Variants in PUDP observed in about 807,000 individuals in gnomAD.
PUDP encodes the protein pseudouridine-5'-phosphatase.
In PUDP, 8 loss-of-function variants were observed where a neutral mutation model predicts 9.4. The observed-to-expected ratio is 0.85, with a 90% CI of 0.50 to 1.53. The LOEUF (loss-of-function observed/expected upper bound fraction) is 1.53. PUDP is among the 40% of genes most tolerant of loss of function. The pLI is 0.00. For synonymous variants in PUDP, 99 were observed against 80.7 expected, an observed-to-expected ratio of 1.23 and a Z score of -1.22; for missense variants, 188 against 189.7, an observed-to-expected ratio of 0.99 and a Z score of 0.05.
intron 3 of PUDP, among the ~76,000 whole-genome samples, chrX:6,802,480 AT>A (rs1925949930): frequency 8.9e-6 from 1 of 111,960 alleles, no homozygotes; most frequent in Non-Finnish European, 1.9e-5. Flanking sequence ...AGTACACGTA[AT>A]TTGGCTCTAG....
intron 1 of PUDP, among the ~76,000 whole-genome samples, chrX:7,108,413 GTTA>G (rs1931947863): frequency 2.7e-5 from 3 of 111,853 alleles, no homozygotes; most frequent in Admixed American, 1.9e-4. Context: ...GGAGAGGCTG[GTTA>G]TTGTGGACTG....
At chrX:6,987,833 C>T (rs1929123811) in intron 1 of PUDP, among the ~76,000 whole-genome samples, 1 of 112,150 alleles carries the variant, frequency 8.9e-6, no homozygotes, top group African/African-American at 3.2e-5. Flanking sequence ...CAGTTAATCA[C>T]CAATCACTTG....
At chrX:7,039,744 G>A (rs1667870893) in intron 1 of PUDP, among the ~76,000 whole-genome samples, 1 of 112,577 alleles carries the variant, frequency 8.9e-6, no homozygotes, top group Admixed American at 9.4e-5. Context: ...AGCCTAATGG[G>A]AGTGCAAAGA....
chrX:6,865,412 A>G (rs1927064541), intron 3 of PUDP, among the ~76,000 whole-genome samples: 1 of 112,305 alleles, frequency 8.9e-6, no homozygotes, highest in Non-Finnish European at 1.9e-5. Context: ...GCATCAGAGC[A>G]CAGAAAGATT....
intron 3 of PUDP, among the ~76,000 whole-genome samples, chrX:6,787,010 C>G (rs1290456924): frequency 5.5e-5 from 6 of 108,828 alleles, no homozygotes; most frequent in African/African-American, 2.0e-4. Context: ...TCTCTCCCCC[C>G]ACCCCCCGAC....
At chrX:7,054,108 C>T (rs1303421626) in intron 3 of PUDP, among the ~76,000 whole-genome samples, 1 of 111,964 alleles carries the variant, frequency 8.9e-6, no homozygotes, top group Non-Finnish European at 1.9e-5. Flanking sequence ...GTTGCTATCA[C>T]AATCAATCAC....
intron 1 of PUDP, among the ~76,000 whole-genome samples, chrX:6,990,024 C>G (rs770279218): frequency 9.1e-6 from 1 of 110,148 alleles, no homozygotes; most frequent in South Asian, 4.0e-4. Context: ...TTACTTCCTT[C>G]CCTCCCAACG....
At chrX:7,082,330 G>A (rs1268406591) in intron 2 of PUDP, among the ~76,000 whole-genome samples, 1 of 112,609 alleles carries the variant, frequency 8.9e-6, no homozygotes, top group African/African-American at 3.2e-5. Flanking sequence ...GAAAGAGGCA[G>A]AAGACAGGCA....
intron 3 of PUDP, among the ~76,000 whole-genome samples, chrX:6,796,369 CTGAT>C: frequency 8.9e-6 from 1 of 111,918 alleles, no homozygotes; most frequent in East Asian, 2.8e-4. Context: ...TTTATTATGA[CTGAT>C]TATTTGGGGC....
chrX:6,889,948 G>A (rs1927488517), intron 3 of PUDP, among the ~76,000 whole-genome samples: 1 of 111,462 alleles, frequency 9.0e-6, no homozygotes, highest in Non-Finnish European at 1.9e-5. Flanking sequence ...TGAGCTGGGA[G>A]GTCACTTCTA....
Position 7,049,558 on chromosome X carries a change from GCA to G in PUDP, c.*736_*737del, listed in dbSNP as rs1823929429. The stretch of plus-strand genomic sequence containing the variant: ...CTAACAATAAACTATGGATGACGTG[GCA>G]CAGAGTCAGTCAATGAGGAAAGATC... On this transcript the variant is annotated 3_prime_UTR_variant, in exon 4 of 4. Coordinates refer to ENST00000381077, the MANE Select transcript of PUDP (RefSeq NM_012080.5). The G allele has an allele frequency of 8.9e-6, 1 of 112,219 alleles. No homozygotes were observed. The highest frequency in any genetic ancestry group is 3.3e-5 in the African/African-American group (1 of 30,746). 9.2% of individuals were successfully genotyped at this position (112,219 alleles called of 1,213,427 possible). A position where few individuals can be genotyped will look rare whatever the true frequency, so the allele number is the denominator to read the frequency against.
intron 3 of PUDP, among the ~76,000 whole-genome samples, chrX:6,872,075 C>T (rs1927182829): frequency 9.0e-6 from 1 of 110,704 alleles, no homozygotes; most frequent in South Asian, 3.9e-4. Context: ...GGCACAGATC[C>T]CATTCATGAG....
At chrX:6,867,901 G>T (rs1927114475) in intron 3 of PUDP, among the ~76,000 whole-genome samples, 1 of 111,624 alleles carries the variant, frequency 9.0e-6, no homozygotes, top group African/African-American at 3.3e-5. Flanking sequence ...GAGGGCAGAA[G>T]GGCAAGAAAG....
At chrX:6,814,172 C>G (rs1318155651) in intron 3 of PUDP, among the ~76,000 whole-genome samples, 1 of 111,342 alleles carries the variant, frequency 9.0e-6, no homozygotes, top group Non-Finnish European at 1.9e-5. Flanking sequence ...CCACGTGGCA[C>G]CAGGTTTCTT....
At chrX:6,787,963 C>T (rs1206311746) in intron 3 of PUDP, among the ~76,000 whole-genome samples, 2 of 112,043 alleles carry the variant, frequency 1.8e-5, no homozygotes, top group Non-Finnish European at 3.8e-5. Flanking sequence ...AATATATAAC[C>T]TCAAATTTTA....
At chrX:7,142,059 G>A (rs1335953423) in intron 1 of PUDP, among the ~76,000 whole-genome samples, 3 of 112,273 alleles carry the variant, frequency 2.7e-5, no homozygotes, top group Non-Finnish European at 3.8e-5. Flanking sequence ...AAGGAGATTC[G>A]TGTTATTTTC....
At chrX:6,888,821 A>C in intron 3 of PUDP, among the ~76,000 whole-genome samples, 1 of 111,658 alleles carries the variant, frequency 9.0e-6, no homozygotes. Context: ...GTGGCTATGC[A>C]TAAAGCAGAA....
chrX:7,003,406 G>A (rs1929355907), intron 1 of PUDP, among the ~76,000 whole-genome samples: 1 of 111,167 alleles, frequency 9.0e-6, no homozygotes, highest in African/African-American at 3.3e-5. Flanking sequence ...GGGTGCGGTG[G>A]CCAATGTATT....
intron 1 of PUDP, among the ~76,000 whole-genome samples, chrX:7,021,230 G>T (rs1209982869): frequency 1.8e-5 from 2 of 112,188 alleles, no homozygotes; most frequent in African/African-American, 6.5e-5. Context: ...TTATTGAAAT[G>T]GCAAGTGAAT....
Sources: gnomAD v4.1 joint callset for allele counts (sites outside exome capture counted in the v4.1 genomes callset) on GRCh38, gnomAD v4.1.1 for gene constraint, MANE v1.5 for transcripts, NCBI Gene and HGNC (gene_info 2026-07-23, HGNC 2026-07-21) for gene names.